The following TNNI3K variants were observed in gnomAD, a reference collection of about 807,000 sequenced individuals.
TNNI3K encodes serine/threonine-protein kinase TNNI3K.
TNNI3K carries 140 observed loss-of-function variants against 114.5 expected under a neutral mutation model. The ratio of observed to expected loss-of-function variants is 1.22; its 90% confidence interval spans 1.07 to 1.41. The LOEUF (loss-of-function observed/expected upper bound fraction) is 1.41, where lower values mean the gene tolerates loss of function less well. TNNI3K is among the 40% of genes most tolerant of loss of function. TNNI3K has a pLI of 0.00. For missense variants in TNNI3K, 1,125 were observed against 1,007.6 expected, an observed-to-expected ratio of 1.12 and a Z score of -1.58; for synonymous variants, 347 against 347.5, an observed-to-expected ratio of 1.00 and a Z score of 0.02.
chr1:74,356,483 G>T (rs977931484), intron 11 of TNNI3K, among the ~76,000 whole-genome samples: 1 of 152,044 alleles, frequency 6.6e-6, no homozygotes, highest in Non-Finnish European at 1.5e-5. Flanking sequence ...ATCTCAGGAG[G>T]CCTTACTAAA....
At chr1:74,523,931 C>G (rs376942705) in intron 23 of TNNI3K, among the ~76,000 whole-genome samples, 5 of 152,134 alleles carry the variant, frequency 3.3e-5, no homozygotes, top group African/African-American at 4.8e-5. Context: ...CCTTTCCCCC[C>G]ACCCCCGACA....
chr1:74,329,734 G>T (rs933453650), intron 5 of TNNI3K, among the ~76,000 whole-genome samples: 2 of 151,964 alleles, frequency 1.3e-5, no homozygotes, highest in African/African-American at 4.8e-5. Context: ...ACACTGACTT[G>T]CTCTATGACC....
chr1:74,454,904 A>C (rs1405287260), intron 20 of TNNI3K, among the ~76,000 whole-genome samples: 14 of 152,134 alleles, frequency 9.2e-5, no homozygotes. Flanking sequence ...AAATGGACAT[A>C]ATAATAAGAC....
intron 24 of TNNI3K, among the ~76,000 whole-genome samples, chr1:74,540,919 GT>G (rs1408750524): frequency 6.6e-6 from 1 of 152,048 alleles, no homozygotes; most frequent in Non-Finnish European, 1.5e-5. Context: ...AATTAACAAA[GT>G]TTTTTTCAGG....
At chr1:74,437,133 T>G (rs191780978) in intron 19 of TNNI3K, among the ~76,000 whole-genome samples, 7 of 152,186 alleles carry the variant, frequency 4.6e-5, no homozygotes, top group African/African-American at 1.2e-4. Flanking sequence ...CTGGAGTAAT[T>G]TTTCATTCTT....
chr1:74,469,573 T>C (rs528789658), intron 21 of TNNI3K: 2 of 160,982 alleles, frequency 1.2e-5, no homozygotes, highest in African/African-American at 1.4e-4. Context: ...TTCATTTGTT[T>C]AAGGCTTTTT....
At position 74,236,119 on chromosome 1, in the gene TNNI3K, G is replaced by A; in HGVS notation, c.58G>A (p.Val20Ile). 1 of 1,605,868 alleles carries A rather than the reference G, an allele frequency of 6.2e-7. No individual in the cohort carries two copies. Among genetic ancestry groups the A allele is most frequent in the East Asian group, 2.2e-5 (1 of 44,508 alleles). The change falls in exon 2 of 25, where the codon GTC becomes ATC. Residue 20 changes from valine (V) to isoleucine (I), a missense_variant. Physicochemically the swap from Val to Ile is conservative, Grantham distance 29. Transcript: ENST00000326637. The stretch of plus-strand genomic sequence containing the variant: ...TTTACTAGATGAATGGAAGAAAAAA[G>A]TCAGTGAATCATATGTTATCACAAT... ...QTCTDEWKKK[V>I]SESYVITIER...
intron 20 of TNNI3K, among the ~76,000 whole-genome samples, chr1:74,445,612 C>CTTTT (rs773728606): frequency 7.6e-6 from 1 of 131,488 alleles, no homozygotes. Flanking sequence ...TCTTTTTTTT[C>CTTTT]TTTTTTTCTT....
chr1:74,531,134 A>G (rs1646577146), intron 23 of TNNI3K, among the ~76,000 whole-genome samples: 1 of 152,194 alleles, frequency 6.6e-6, no homozygotes, highest in South Asian at 2.1e-4. Flanking sequence ...TGCCATTGAA[A>G]GAAAACTGAT....
At chr1:74,525,048 G>A (rs1241037296) in intron 23 of TNNI3K, among the ~76,000 whole-genome samples, 2 of 152,148 alleles carry the variant, frequency 1.3e-5, no homozygotes, top group Non-Finnish European at 2.9e-5. Flanking sequence ...ACTGGGGAAA[G>A]AGACAAAGAA....
intron 7 of TNNI3K, among the ~76,000 whole-genome samples, chr1:74,342,252 T>G (rs1231375043): frequency 2.0e-5 from 3 of 152,164 alleles, no homozygotes; most frequent in Admixed American, 2.0e-4. Flanking sequence ...GAATTGAATT[T>G]TAAATAACCT....
At chr1:74,399,638 G>T (rs949240238) in intron 17 of TNNI3K, among the ~76,000 whole-genome samples, 1 of 152,168 alleles carries the variant, frequency 6.6e-6, no homozygotes, top group African/African-American at 2.4e-5. Flanking sequence ...TCCCCAGATG[G>T]AAGGGAAAAG....
chr1:74,257,021 T>C (rs1358587155), intron 4 of TNNI3K, among the ~76,000 whole-genome samples: 1 of 152,194 alleles, frequency 6.6e-6, no homozygotes, highest in Non-Finnish European at 1.5e-5. Context: ...CAAATACATA[T>C]GTTAGATTGT....
intron 17 of TNNI3K, chr1:74,375,939 T>C (rs1346858801): frequency 5.6e-6 from 1 of 178,116 alleles, no homozygotes; most frequent in African/African-American, 2.3e-5. Flanking sequence ...TACAGAGGTT[T>C]TTTTTATATG....
At chr1:74,451,758 T>TTTC (rs1667036314) in intron 20 of TNNI3K, among the ~76,000 whole-genome samples, 2 of 25,220 alleles carry the variant, frequency 7.9e-5, no homozygotes, top group African/African-American at 3.1e-4. Context: ...TTTTCTTTTC[T>TTTC]TTTCTTTTCT....
intron 5 of TNNI3K, among the ~76,000 whole-genome samples, chr1:74,297,888 G>C (rs889910058): frequency 1.3e-5 from 2 of 152,122 alleles, no homozygotes; most frequent in African/African-American, 4.8e-5. Context: ...AGAGGGAGGA[G>C]AAACTGACTC....
intron 17 of TNNI3K, among the ~76,000 whole-genome samples, chr1:74,382,995 G>A (rs2100551915): frequency 6.6e-6 from 1 of 152,108 alleles, no homozygotes; most frequent in Non-Finnish European, 1.5e-5. Context: ...GACAGCCTCT[G>A]GCAGACCTCC....
chr1:74,311,424 A>C (rs1389609734), intron 5 of TNNI3K, among the ~76,000 whole-genome samples: 1 of 152,180 alleles, frequency 6.6e-6, no homozygotes, highest in Non-Finnish European at 1.5e-5. Flanking sequence ...TCATTATTCC[A>C]ATTATAAGTC....
chr1:74,433,860 C>G (rs938283144), intron 17 of TNNI3K, among the ~76,000 whole-genome samples: 6 of 152,014 alleles, frequency 3.9e-5, no homozygotes, highest in African/African-American at 1.4e-4. Flanking sequence ...GGTTATATGG[C>G]TCTTTCTCAC....
Sources: allele counts gnomAD v4.1 joint callset (sites outside exome capture counted in the v4.1 genomes callset), GRCh38; gene constraint gnomAD v4.1.1; transcripts MANE v1.5; gene names NCBI Gene and HGNC (gene_info 2026-07-23, HGNC 2026-07-21).